The following SLC6A11 variants were observed in gnomAD, a reference collection of about 807,000 sequenced individuals.
SLC6A11 encodes sodium- and chloride-dependent GABA transporter 3.
A neutral mutation model predicts 74.8 loss-of-function variants in SLC6A11; 25 were observed. That is an observed-to-expected ratio of 0.33 (90% CI 0.24 to 0.47). SLC6A11 has a LOEUF of 0.47. Among genes scored for constraint, SLC6A11 ranks in the 20% least tolerant of loss-of-function variants. The pLI, the probability that SLC6A11 is intolerant of heterozygous loss-of-function variation, is 1.00. For missense variants in SLC6A11, 574 were observed against 837.0 expected, an observed-to-expected ratio of 0.69 and a Z score of 3.88; for synonymous variants, 330 against 330.2, an observed-to-expected ratio of 1.00 and a Z score of 0.01.
rs1281546247 is a variant in SLC6A11 at position 10,918,769 on chromosome 3, C to T, written c.1120+316C>T. On this transcript the variant is annotated intron_variant, in intron 8 of 13. Coordinates refer to ENST00000254488, the MANE Select transcript of SLC6A11 (RefSeq NM_014229.3). This position sits in a 1 kb window ranked among gnomAD's most constrained non-coding sequence, Gnocchi z 4.5. ...CTGCTCACCTGGATGGCTCAGAAAC[C>T]TTTCCCTGGACTCTGTGCCTCTGCT... 1.3e-5 allele frequency among the ~76,000 whole-genome samples: 2 copies of T among 152,196 alleles called. No homozygotes were observed. Among genetic ancestry groups the T allele is most frequent in the African/African-American group, 4.8e-5 (2 of 41,446 alleles).
chr3:10,888,781 A>G (rs1360118903), intron 6 of SLC6A11, among the ~76,000 whole-genome samples: 1 of 152,256 alleles, frequency 6.6e-6, no homozygotes, highest in African/African-American at 2.4e-5. Context: ...GCCTGTCTTC[A>G]GGTATTCTCA....
At chr3:10,914,175 C>T (rs2697162) in intron 7 of SLC6A11, among the ~76,000 whole-genome samples, 24,139 of 152,076 alleles carry the variant, frequency 0.16, 2,415 homozygotes, top group South Asian at 0.23. Flanking sequence ...CCGGTGATAG[C>T]GTCCCTCCCA....
intron 4 of SLC6A11, among the ~76,000 whole-genome samples, chr3:10,842,605 C>T (rs960570736): frequency 2.0e-5 from 3 of 152,182 alleles, no homozygotes; most frequent in African/African-American, 7.2e-5. Context: ...TCCTTTCTTT[C>T]ATAAATAACT....
chr3:10,871,744 T>C (rs1694830576), intron 5 of SLC6A11, among the ~76,000 whole-genome samples: 1 of 152,000 alleles, frequency 6.6e-6, no homozygotes, highest in African/African-American at 2.4e-5. Context: ...CTTTTATATT[T>C]GATCTGCACC....
At position 10,918,419 on chromosome 3, in the gene SLC6A11, G is replaced by GC; in HGVS notation, c.1087dup (p.Gln363ProfsTer7). The GC allele has an allele frequency of 6.2e-7, 1 of 1,606,980 alleles. No homozygotes were observed. The highest frequency in any genetic ancestry group is 1.3e-5 in the African/African-American group (1 of 74,488). On this transcript the variant is annotated frameshift_variant, in exon 8 of 14. Transcript: ENST00000254488. LOFTEE classifies it high-confidence loss of function. This position sits in a 1 kb window ranked among gnomAD's most constrained non-coding sequence, Gnocchi z 4.5. ...CAGTCCTGGGTTTTATGGCGTACGA[G>GC]CAGGGGGTACCCATTGCTGAGGTGG...
At chr3:10,923,422 G>A (rs1183312702) in intron 8 of SLC6A11, among the ~76,000 whole-genome samples, 1 of 152,022 alleles carries the variant, frequency 6.6e-6, no homozygotes, top group Non-Finnish European at 1.5e-5. Flanking sequence ...AACTCCCAAT[G>A]GTTAAAACTG....
rs1277054711 is a variant in SLC6A11, at chr3:10,816,262, G to A, written c.-4G>A. On this transcript the variant is annotated 5_prime_UTR_variant, in exon 1 of 14. Coordinates refer to ENST00000254488, the MANE Select transcript of SLC6A11 (RefSeq NM_014229.3). The surrounding 1 kb of genome is among the most constrained non-coding windows in gnomAD (Gnocchi z 4.2). ...GGCCGGCGCACGAGGCAGCCAGCGCGGCCATGACGGCGGAGAAGGCGCTGC... is the reference window on the plus strand; with the variant it reads ...GGCCGGCGCACGAGGCAGCCAGCGCAGCCATGACGGCGGAGAAGGCGCTGC... The A allele has an allele frequency of 7.5e-7, 1 of 1,330,214 alleles. No homozygotes were observed. Among genetic ancestry groups the A allele is most frequent in the African/African-American group, 1.6e-5 (1 of 64,456 alleles). The allele number at this position is 1,330,214 out of a possible 1,614,324, so 82.4% of individuals were successfully genotyped here. A position where few individuals can be genotyped will look rare whatever the true frequency, so the allele number is the denominator to read the frequency against.
intron 5 of SLC6A11, among the ~76,000 whole-genome samples, chr3:10,851,594 C>T (rs1694577011): frequency 6.6e-6 from 1 of 152,242 alleles, no homozygotes; most frequent in Admixed American, 6.5e-5. Flanking sequence ...GCCTGAGTGG[C>T]ACCTTCTTCC....
chr3:10,916,270 T>C lies in SLC6A11; in HGVS notation c.996-2059T>C, dbSNP rs191934453. 3.3e-5 allele frequency among the ~76,000 whole-genome samples: 5 copies of C among 152,306 alleles called. No individual in the cohort carries two copies. The East Asian group carries it at 7.7e-4, about 23-fold the overall frequency. On this transcript the variant is annotated intron_variant, in intron 7 of 13. Coordinates refer to ENST00000254488, the MANE Select transcript of SLC6A11 (RefSeq NM_014229.3). ...GACTTGCAGATAAAGTCCCCACTTA[T>C]ACCAGCCCAGCCAGCATTCACAGTA... is the stretch of plus-strand genomic sequence containing the variant.
chr3:10,939,223 G>A lies in SLC6A11; in HGVS notation c.*821G>A, dbSNP rs1481997014. 1.3e-5 allele frequency: 2 copies of A among 152,236 alleles called. No individual in the cohort carries two copies. Among genetic ancestry groups the A allele is most frequent in the African/African-American group, 2.4e-5 (1 of 41,446 alleles). The allele number at this position is 152,236 out of a possible 1,614,324, so 9.4% of individuals were successfully genotyped here. A position where few individuals can be genotyped will look rare whatever the true frequency, so the allele number is the denominator to read the frequency against. On this transcript the variant is annotated 3_prime_UTR_variant, in exon 14 of 14. Coordinates refer to ENST00000254488, the MANE Select transcript of SLC6A11 (RefSeq NM_014229.3). Reference sequence around the variant, plus strand: ...ATTGTAGAAATGGTGTGGTGTTGATGTGTGTTTTCCCTAAAACTCTAATTT... The same window carrying A: ...ATTGTAGAAATGGTGTGGTGTTGATATGTGTTTTCCCTAAAACTCTAATTT...
chr3:10,831,458 G>C (rs1303511478), intron 4 of SLC6A11, among the ~76,000 whole-genome samples: 1 of 152,092 alleles, frequency 6.6e-6, no homozygotes, highest in African/African-American at 2.4e-5. Context: ...ACACAGAAAA[G>C]CTAACAGTAA....
At chr3:10,881,728 G>A (rs895658341) in intron 6 of SLC6A11, among the ~76,000 whole-genome samples, 1 of 152,186 alleles carries the variant, frequency 6.6e-6, no homozygotes, top group East Asian at 1.9e-4. Context: ...TCAGCAGGTA[G>A]AGGAGAGTCC....
In SLC6A11 at chr3:10,940,447, ATTG is replaced by A. The variant is rs1695811417; in HGVS notation, c.*2049_*2051del. 1 of 131,976 alleles carries A rather than the reference ATTG, an allele frequency of 7.6e-6. No individual in the cohort carries two copies. The highest frequency in any genetic ancestry group is 2.9e-5 in the African/African-American group (1 of 34,466). 8.2% of individuals were successfully genotyped at this position (131,976 alleles called of 1,614,324 possible). Reference sequence around the variant, plus strand: ...ACTCATGGGGCAGGGCGGAGGGTGGATTGTTGCTTTTTGTTTTTTGTAATTTCC... The same window carrying A: ...ACTCATGGGGCAGGGCGGAGGGTGGATTGCTTTTTGTTTTTTGTAATTTCC... On this transcript the variant is annotated 3_prime_UTR_variant, in exon 14 of 14. Coordinates refer to ENST00000254488, the MANE Select transcript of SLC6A11 (RefSeq NM_014229.3).
intron 7 of SLC6A11, among the ~76,000 whole-genome samples, chr3:10,916,237 G>A (rs1695452538): frequency 1.3e-5 from 2 of 152,202 alleles, no homozygotes; most frequent in African/African-American, 4.8e-5. Context: ...TTGAGCAGAG[G>A]TAAATCAGAC....
At position 10,886,578 on chromosome 3, in the gene SLC6A11, CAT is replaced by C. The variant is rs1430502712; in HGVS notation, c.891+11484_891+11485del. Among the ~76,000 whole-genome samples, 14 of 152,328 alleles carry C rather than the reference CAT, an allele frequency of 9.2e-5. No individual in the cohort carries two copies. The East Asian group carries it at 1.5e-3, about 17-fold the overall frequency. On this transcript the variant is annotated intron_variant, in intron 6 of 13. Coordinates refer to ENST00000254488, the MANE Select transcript of SLC6A11 (RefSeq NM_014229.3). Reference sequence around the variant, plus strand: ...ATTCCAACACTTTGGGAGGCCAAGACATGTGGATCACTGAGGTCAGGAATTCC... The same window carrying C: ...ATTCCAACACTTTGGGAGGCCAAGACGTGGATCACTGAGGTCAGGAATTCC...
chr3:10,828,580 C>CT, intron 4 of SLC6A11, among the ~76,000 whole-genome samples: 2 of 152,304 alleles, frequency 1.3e-5, no homozygotes, highest in African/African-American at 4.8e-5. Context: ...GGCCTTCTTT[C>CT]TGTTCTTTAG....
At chr3:10,900,372 C>A (rs765495419) in intron 6 of SLC6A11, among the ~76,000 whole-genome samples, 1 of 152,118 alleles carries the variant, frequency 6.6e-6, no homozygotes, top group Non-Finnish European at 1.5e-5. Context: ...GTCAGCAATG[C>A]GCAAAGGGTT....
intron 1 of SLC6A11, 37 bp from the exon 2 acceptor site, chr3:10,819,427 AG>A (rs1327907290): frequency 6.3e-7 from 1 of 1,586,306 alleles, no homozygotes; most frequent in Non-Finnish European, 8.6e-7. Flanking sequence ...ATGAATCGGC[AG>A]GGACAGTTTT....
In SLC6A11 at chr3:10,911,539, C is replaced by G. The variant is rs1238960580; in HGVS notation, c.892-551C>G. 2.0e-5 allele frequency among the ~76,000 whole-genome samples: 3 copies of G among 152,192 alleles called. No individual in the cohort carries two copies. In the East Asian group the frequency reaches 5.8e-4, roughly 29 times the overall value. ...CCCTCACTCCTCCCCTCCCTGCCAC[C>G]TTTTATGCTGAGGTCAGCTATGCAA... On this transcript the variant is annotated intron_variant, in intron 6 of 13. Transcript: ENST00000254488.
Sources: gnomAD v4.1 joint callset for allele counts (sites outside exome capture counted in the v4.1 genomes callset) on GRCh38, gnomAD v4.1.1 for gene constraint, Gnocchi (gnomAD v3.1) non-coding constraint, MANE v1.5 for transcripts, NCBI Gene and HGNC (gene_info 2026-07-23, HGNC 2026-07-21) for gene names.